The following ANGPT1 variants were observed in gnomAD, a reference collection of about 807,000 sequenced individuals.
ANGPT1 encodes angiopoietin-1.
ANGPT1 carries 17 observed loss-of-function variants against 62.2 expected under a neutral mutation model. The observed-to-expected ratio is 0.27, with a 90% CI of 0.19 to 0.41. The LOEUF (loss-of-function observed/expected upper bound fraction) is 0.41, where lower values mean the gene tolerates loss of function less well. Among genes scored for constraint, ANGPT1 ranks in the 10% least tolerant of loss-of-function variants. The pLI, the probability that ANGPT1 is intolerant of heterozygous loss-of-function variation, is 1.00. For missense variants in ANGPT1, 478 were observed against 594.9 expected (o/e 0.80, Z 2.04); for synonymous variants, 199 against 198.9 (o/e 1.00, Z 0.00).
intron 1 of ANGPT1, among the ~76,000 whole-genome samples, chr8:107,471,336 T>C (rs1298796912): frequency 6.6e-6 from 1 of 151,998 alleles, no homozygotes; most frequent in Non-Finnish European, 1.5e-5. Context: ...TTCTCACTCG[T>C]AAGTTGGAGT....
At chr8:107,275,717 T>C (rs931612345) in intron 7 of ANGPT1, among the ~76,000 whole-genome samples, 1 of 152,154 alleles carries the variant, frequency 6.6e-6, no homozygotes, top group Non-Finnish European at 1.5e-5. Flanking sequence ...GCATAACAAA[T>C]ATTTCATGGA....
chr8:107,366,759 C>T (rs1299149534), intron 1 of ANGPT1, among the ~76,000 whole-genome samples: 1 of 152,170 alleles, frequency 6.6e-6, no homozygotes, highest in African/African-American at 2.4e-5. Context: ...TAGTCCCCTC[C>T]TGCATTATAT....
At chr8:107,288,930 C>A (rs1303230825) in intron 6 of ANGPT1, among the ~76,000 whole-genome samples, 2 of 151,876 alleles carry the variant, frequency 1.3e-5, no homozygotes, top group Non-Finnish European at 2.9e-5. Context: ...CCTGTAACTT[C>A]CATAAAAATA....
chr8:107,343,192 G>A (rs1187858508), intron 2 of ANGPT1, among the ~76,000 whole-genome samples: 1 of 152,012 alleles, frequency 6.6e-6, no homozygotes. Flanking sequence ...GTAATCATTT[G>A]TGATGTCTGA....
intron 7 of ANGPT1, among the ~76,000 whole-genome samples, chr8:107,266,213 G>A (rs1019935936): frequency 1.3e-5 from 2 of 152,208 alleles, no homozygotes; most frequent in African/African-American, 4.8e-5. Flanking sequence ...GAGAAAGTAA[G>A]ATGACAGATC....
intron 2 of ANGPT1, among the ~76,000 whole-genome samples, chr8:107,340,660 A>AC (rs34962176): frequency 7.0e-6 from 1 of 142,762 alleles, no homozygotes; most frequent in Non-Finnish European, 1.5e-5. Context: ...AATTGTTTGT[A>AC]TTTTTTTTTT....
chr8:107,471,553 A>G (rs1021877536), intron 1 of ANGPT1, among the ~76,000 whole-genome samples: 6 of 152,146 alleles, frequency 3.9e-5, no homozygotes, highest in African/African-American at 1.4e-4. Context: ...TTAAAGCTAA[A>G]AAAACAAAAA....
chr8:107,428,662 T>C (rs1436436561), intron 1 of ANGPT1, among the ~76,000 whole-genome samples: 3 of 150,878 alleles, frequency 2.0e-5, no homozygotes, highest in Non-Finnish European at 4.4e-5. Context: ...GTGTGTGTTT[T>C]CGAGTGCTAT....
chr8:107,283,919 A>C (rs891129267), intron 7 of ANGPT1: 3 of 152,182 alleles, frequency 2.0e-5, no homozygotes, highest in African/African-American at 7.2e-5. Context: ...TGACGTCTGT[A>C]AGACCAGCGC....
At chr8:107,453,062 G>A (rs12546710) in intron 1 of ANGPT1, among the ~76,000 whole-genome samples, 44,905 of 151,918 alleles carry the variant, frequency 0.3, 7,724 homozygotes, top group Middle Eastern at 0.46. Context: ...AAATGATGGT[G>A]CCCAATGCTT....
chr8:107,315,522 GACTGTCATGCTT>G (rs1814992938), intron 4 of ANGPT1, among the ~76,000 whole-genome samples: 1 of 151,970 alleles, frequency 6.6e-6, no homozygotes, highest in Non-Finnish European at 1.5e-5. Context: ...TTAAAAACTT[GACTGTCATGCTT>G]ACTTGCCACT....
intron 1 of ANGPT1, among the ~76,000 whole-genome samples, chr8:107,392,269 C>A (rs1816850990): frequency 1.3e-5 from 2 of 152,098 alleles, no homozygotes; most frequent in South Asian, 4.1e-4. Context: ...GCAATCCCGA[C>A]AAATTTCTTT....
At chr8:107,368,061 C>T (rs1296133797) in intron 1 of ANGPT1, among the ~76,000 whole-genome samples, 1 of 152,140 alleles carries the variant, frequency 6.6e-6, no homozygotes, top group African/African-American at 2.4e-5. Context: ...ATTTACTTTG[C>T]CCAGATCCAT....
rs578133251 is a variant in ANGPT1, at chr8:107,418,920, T to A, written c.298-71823A>T. Among the ~76,000 whole-genome samples, 6 of 152,354 alleles carry A rather than the reference T, an allele frequency of 3.9e-5. No homozygotes were observed. In the South Asian group the frequency reaches 1.2e-3, roughly 32 times the overall value. On this transcript the variant is annotated intron_variant, in intron 1 of 8. Coordinates refer to ENST00000517746, the MANE Select transcript of ANGPT1 (RefSeq NM_001146.5). The stretch of plus-strand genomic sequence containing the variant: ...AATCAGGGGAAAAAATCCCAGCCTC[T>A]GGAATTATTTGATGTATTTAGTTAT...
At chr8:107,468,209 T>A (rs913372062) in intron 1 of ANGPT1, among the ~76,000 whole-genome samples, 2 of 152,066 alleles carry the variant, frequency 1.3e-5, no homozygotes, top group Non-Finnish European at 2.9e-5. Context: ...AGAAATAAAG[T>A]ATTCTGTGCT....
chr8:107,485,101 C>T (rs1157996397), intron 1 of ANGPT1, among the ~76,000 whole-genome samples: 1 of 152,164 alleles, frequency 6.6e-6, no homozygotes, highest in Non-Finnish European at 1.5e-5. Flanking sequence ...ATCCTTTAGA[C>T]AACTTCACTG....
chr8:107,452,532 C>A (rs1320938024), intron 1 of ANGPT1, among the ~76,000 whole-genome samples: 2 of 151,302 alleles, frequency 1.3e-5, no homozygotes, highest in Non-Finnish European at 2.9e-5. Context: ...AATAGATATG[C>A]ATGGCTAAAA....
At chr8:107,416,439 G>A (rs997816839) in intron 1 of ANGPT1, among the ~76,000 whole-genome samples, 3 of 152,216 alleles carry the variant, frequency 2.0e-5, no homozygotes, top group African/African-American at 7.2e-5. Flanking sequence ...AAGTGCAGGA[G>A]CCTTTCCTCT....
intron 7 of ANGPT1, among the ~76,000 whole-genome samples, chr8:107,274,984 G>A (rs1440507113): frequency 6.6e-6 from 1 of 152,028 alleles, no homozygotes; most frequent in African/African-American, 2.4e-5. Flanking sequence ...GACATGGAAG[G>A]GGCTCCTAAC....
Sources: allele counts gnomAD v4.1 joint callset (sites outside exome capture counted in the v4.1 genomes callset), GRCh38; gene constraint gnomAD v4.1.1; transcripts MANE v1.5; gene names NCBI Gene and HGNC (gene_info 2026-07-23, HGNC 2026-07-21).